Variants in UNC5D observed in about 807,000 individuals in gnomAD.
The protein encoded by UNC5D is unc-5 netrin receptor D.
UNC5D carries 39 observed loss-of-function variants against 105.4 expected under a neutral mutation model. The ratio of observed to expected loss-of-function variants is 0.37; its 90% CI spans 0.29 to 0.48. UNC5D has a LOEUF of 0.48. Ranked by LOEUF, UNC5D falls within the 20% of genes least tolerant of loss-of-function variation. The probability of loss-of-function intolerance (pLI) is 0.98; values close to 1 mark genes in which losing one functional copy is unlikely to be tolerated. For missense variants in UNC5D, 991 were observed against 1,202.4 expected (o/e 0.82, Z 2.60); for synonymous variants, 452 against 450.4 (o/e 1.00, Z -0.04).
At chr8:35,431,339 A>G (rs181261171) in intron 1 of UNC5D, among the ~76,000 whole-genome samples, 2 of 152,300 alleles carry the variant, frequency 1.3e-5, no homozygotes, top group South Asian at 2.1e-4. Context: ...TGAAGAATGC[A>G]TAATTTTACA....
At chr8:35,375,412 C>T (rs1225432329) in intron 1 of UNC5D, among the ~76,000 whole-genome samples, 1 of 152,146 alleles carries the variant, frequency 6.6e-6, no homozygotes, top group Non-Finnish European at 1.5e-5. Context: ...ACAAATTCTA[C>T]ATGGGGAAAT....
At chr8:35,507,782 A>G (rs1812434518) in intron 1 of UNC5D, among the ~76,000 whole-genome samples, 1 of 152,212 alleles carries the variant, frequency 6.6e-6, no homozygotes, top group Admixed American at 6.5e-5. Flanking sequence ...TTGTACCCTA[A>G]GGATAAATGC....
intron 1 of UNC5D, among the ~76,000 whole-genome samples, chr8:35,548,629 C>G (rs1815872339): frequency 6.6e-6 from 1 of 151,592 alleles, no homozygotes; most frequent in Non-Finnish European, 1.5e-5. Flanking sequence ...TGGCTATAAG[C>G]TCAGAGCTAT....
intron 3 of UNC5D, among the ~76,000 whole-genome samples, chr8:35,579,941 C>G (rs1441630649): frequency 6.6e-6 from 1 of 152,136 alleles, no homozygotes; most frequent in South Asian, 2.1e-4. Context: ...ATGGCCTGAA[C>G]TTCTGCAGGC....
chr8:35,298,949 TG>T (rs1050476890), intron 1 of UNC5D, among the ~76,000 whole-genome samples: 84 of 152,322 alleles, frequency 5.5e-4, no homozygotes, highest in African/African-American at 2.0e-3. Context: ...ATTCATTTTT[TG>T]TTTATTTCAA....
At chr8:35,739,694 T>C (rs1055588167) in intron 11 of UNC5D, among the ~76,000 whole-genome samples, 15 of 152,214 alleles carry the variant, frequency 9.9e-5, no homozygotes, top group African/African-American at 3.6e-4. Flanking sequence ...GAGCACCACA[T>C]ACTGTAATTA....
At chr8:35,421,269 G>A (rs1056254929) in intron 1 of UNC5D, among the ~76,000 whole-genome samples, 23 of 152,196 alleles carry the variant, frequency 1.5e-4, no homozygotes, top group African/African-American at 5.5e-4. Flanking sequence ...CATGGGCTGA[G>A]GTACAGGCTT....
chr8:35,473,930 G>A (rs1452881718), intron 1 of UNC5D, among the ~76,000 whole-genome samples: 7 of 152,160 alleles, frequency 4.6e-5, no homozygotes, highest in Admixed American at 3.9e-4. Flanking sequence ...TCCTCCCATG[G>A]CAGAAGGGCA....
chr8:35,607,021 C>G (rs1820337355), intron 4 of UNC5D, among the ~76,000 whole-genome samples: 1 of 152,188 alleles, frequency 6.6e-6, no homozygotes, highest in Admixed American at 6.5e-5. Context: ...GTTTCTTGCC[C>G]CAGCACCCTA....
At chr8:35,440,736 C>A (rs75544484) in intron 1 of UNC5D, among the ~76,000 whole-genome samples, 2,527 of 151,972 alleles carry the variant, frequency 0.017, 83 homozygotes, top group African/African-American at 0.058. Flanking sequence ...GTGGCTGTTG[C>A]CAATTTTTAT....
chr8:35,448,710 T>C (rs1454876780), intron 1 of UNC5D, among the ~76,000 whole-genome samples: 4 of 152,114 alleles, frequency 2.6e-5, no homozygotes. Flanking sequence ...ATAACCATCC[T>C]AGAATAATGT....
intron 2 of UNC5D, among the ~76,000 whole-genome samples, chr8:35,558,751 G>A (rs1816725818): frequency 1.3e-5 from 2 of 152,146 alleles, no homozygotes; most frequent in Admixed American, 6.5e-5. Context: ...GGGAGGCCGA[G>A]GTGGGCGGGT....
chr8:35,250,221 A>T (rs1482727909), intron 1 of UNC5D, among the ~76,000 whole-genome samples: 1 of 152,130 alleles, frequency 6.6e-6, no homozygotes, highest in Non-Finnish European at 1.5e-5. Context: ...ATCTCAGAGC[A>T]CTTAAGTCAG....
At chr8:35,776,124 C>T (rs1802235484) in intron 16 of UNC5D, among the ~76,000 whole-genome samples, 1 of 152,062 alleles carries the variant, frequency 6.6e-6, no homozygotes, top group Non-Finnish European at 1.5e-5. Context: ...TAAAAAAGAA[C>T]AGTGAACAGG....
intron 1 of UNC5D, among the ~76,000 whole-genome samples, chr8:35,427,904 T>A (rs1329890632): frequency 6.6e-6 from 1 of 152,214 alleles, no homozygotes; most frequent in Non-Finnish European, 1.5e-5. Flanking sequence ...GGGCAGTGCA[T>A]GTAAAAACTC....
chr8:35,259,606 GT>G (rs890797471), intron 1 of UNC5D, among the ~76,000 whole-genome samples: 2 of 152,028 alleles, frequency 1.3e-5, no homozygotes, highest in African/African-American at 4.8e-5. Context: ...ACTGATTTAC[GT>G]TTTTTCCTCC....
intron 1 of UNC5D, among the ~76,000 whole-genome samples, chr8:35,375,973 G>A (rs945655830): frequency 6.6e-6 from 1 of 152,138 alleles, no homozygotes; most frequent in Non-Finnish European, 1.5e-5. Context: ...AGAAATTTGA[G>A]ATGTTTCCAG....
At chr8:35,717,960 G>C (rs546292494) in intron 8 of UNC5D, among the ~76,000 whole-genome samples, 142 of 152,248 alleles carry the variant, frequency 9.3e-4, no homozygotes, top group Non-Finnish European at 1.8e-3. Context: ...TCCAGCTCTC[G>C]ATTAATCTTT....
At chr8:35,780,692 TC>T (rs1802464717) in intron 16 of UNC5D, among the ~76,000 whole-genome samples, 1 of 152,140 alleles carries the variant, frequency 6.6e-6, no homozygotes, top group African/African-American at 2.4e-5. Flanking sequence ...GTATTTTCAT[TC>T]TTGTGTTTGG....
Sources: gnomAD v4.1 joint callset for allele counts (sites outside exome capture counted in the v4.1 genomes callset) on GRCh38, gnomAD v4.1.1 for gene constraint, MANE v1.5 for transcripts, NCBI Gene and HGNC (gene_info 2026-07-23, HGNC 2026-07-21) for gene names.